Variants in RAB27A observed in about 807,000 individuals in gnomAD.
RAB27A encodes ras-related protein Rab-27A.
Under a neutral mutation model 20.8 loss-of-function variants are expected in RAB27A, and 17 were observed. That is an observed-to-expected ratio of 0.82 (90% CI 0.56 to 1.23). RAB27A has a LOEUF of 1.23. Among genes scored for constraint, RAB27A ranks in the 50% most tolerant of loss-of-function variants. RAB27A has a pLI of 0.00. For synonymous variants in RAB27A, 85 were observed against 92.8 expected, an observed-to-expected ratio of 0.92 and a Z score of 0.48; for missense variants, 277 against 266.7, an observed-to-expected ratio of 1.04 and a Z score of -0.27.
intron 2 of RAB27A, among the ~76,000 whole-genome samples, chr15:55,304,353 A>T (rs562883724): frequency 4.6e-5 from 7 of 151,588 alleles, no homozygotes; most frequent in Non-Finnish European, 8.8e-5. Context: ...TCTGCCTAGG[A>T]AAACCAGAGA....
At chr15:55,303,532 C>G (rs1595755849) in intron 2 of RAB27A, among the ~76,000 whole-genome samples, 1 of 55,756 alleles carries the variant, frequency 1.8e-5, no homozygotes, top group Admixed American at 1.5e-4. Flanking sequence ...CCCCTCTGCC[C>G]GGCCAGCCGC....
intron 2 of RAB27A, among the ~76,000 whole-genome samples, chr15:55,246,726 T>A (rs1055409961): frequency 6.6e-6 from 1 of 151,760 alleles, no homozygotes; most frequent in African/African-American, 2.4e-5. Context: ...GTGACGGCAG[T>A]CTCAGAATGG....
At chr15:55,292,742 AGT>A (rs543945130), upstream of RAB27A, among the ~76,000 whole-genome samples, 698 of 152,362 alleles carry the variant, frequency 4.6e-3, 6 homozygotes, top group Non-Finnish European at 7.4e-3. Flanking sequence ...GAAGCTGTTT[AGT>A]ATGTAGTCAA....
chr15:55,239,599 CT>C (rs1306528215), intron 2 of RAB27A, among the ~76,000 whole-genome samples: 1 of 152,076 alleles, frequency 6.6e-6, no homozygotes, highest in African/African-American at 2.4e-5. Context: ...GTGACACAGG[CT>C]TCCTGGGTTG....
At position 55,317,588 on chromosome 15, in the gene RAB27A, C is replaced by G. The variant is rs1595759771; in HGVS notation, c.-234+1343G>C. The stretch of plus-strand genomic sequence containing the variant: ...TCGGCCTCCCAAAGTGCTGGGATTA[C>G]AGGCGTGAGCCACTGCGCCAGGCCT... On this transcript the variant is annotated intron_variant, in intron 1 of 5. Transcript: ENST00000563262. 2.0e-5 allele frequency: 8 copies of G among 392,842 alleles called. No individual in the cohort carries two copies. The East Asian group carries it at 2.9e-4, about 14-fold the overall frequency. 24.3% of individuals were successfully genotyped at this position (392,842 alleles called of 1,614,324 possible).
chr15:55,282,934 A>ATAAATAAAT (rs1898055239), intron 1 of RAB27A, among the ~76,000 whole-genome samples: 1 of 151,478 alleles, frequency 6.6e-6, no homozygotes, highest in Non-Finnish European at 1.5e-5. Flanking sequence ...AAATAAACAA[A>ATAAATAAAT]CAAACAGCCT....
intron 2 of RAB27A, among the ~76,000 whole-genome samples, chr15:55,264,396 T>G (rs1008565117): frequency 9.9e-5 from 15 of 152,180 alleles, no homozygotes; most frequent in Admixed American, 7.9e-4. Context: ...TAATCACGTT[T>G]AGATTTTAAA....
Position 55,230,472 on chromosome 15 carries a change from A to G in RAB27A, c.168T>C (p.Ser56=), listed in dbSNP as rs376232909. 4.7e-5 allele frequency: 76 copies of G among 1,613,490 alleles called. No homozygotes were observed. The highest frequency in any genetic ancestry group is 5.9e-5 in the Non-Finnish European group (70 of 1,179,620). ...CTCTGCCAGTGGCTCCATCCGGCCC[A>G]CTGGCTCTGTACACCTAAAACAGCA... ...FREKRVVYRA[S]GPDGATGRGQ... is the part of the protein sequence containing the mutation. Residue 56 remains serine (S), a synonymous_variant, in exon 4 of 7, where the codon AGT becomes AGC. Transcript: ENST00000336787.
chr15:55,222,681 T>TA (rs762647012), intron 6 of RAB27A, among the ~76,000 whole-genome samples: 6 of 152,046 alleles, frequency 3.9e-5, no homozygotes, highest in Admixed American at 6.6e-5. Flanking sequence ...AAAGAAAGAA[T>TA]AAAGCAGTGA....
chr15:55,210,878 T>C (rs1332912853), intron 6 of RAB27A, among the ~76,000 whole-genome samples: 1 of 152,196 alleles, frequency 6.6e-6, no homozygotes, highest in East Asian at 1.9e-4. Flanking sequence ...TGTTTTCTTC[T>C]AGTAGTTTCA....
At chr15:55,223,738 A>G in intron 6 of RAB27A, 151 bp downstream of exon 6, 3 of 894,896 alleles carry the variant, frequency 3.4e-6, no homozygotes, top group Non-Finnish European at 5.3e-6. Context: ...TCCTACTATC[A>G]TATCATATAA....
At chr15:55,254,408 T>C (rs1032115636) in intron 2 of RAB27A, among the ~76,000 whole-genome samples, 3 of 152,118 alleles carry the variant, frequency 2.0e-5, no homozygotes, top group African/African-American at 4.8e-5. Flanking sequence ...AAACCACATA[T>C]GAATGTCTAA....
chr15:55,308,033 T>G (rs1343001696), intron 2 of RAB27A, among the ~76,000 whole-genome samples: 1 of 152,170 alleles, frequency 6.6e-6, no homozygotes, highest in Non-Finnish European at 1.5e-5. Flanking sequence ...CCTCGTGAGG[T>G]TCCCCATTCT....
At chr15:55,310,945 C>T (rs2141146310) in intron 2 of RAB27A, among the ~76,000 whole-genome samples, 1 of 152,286 alleles carries the variant, frequency 6.6e-6, no homozygotes. Context: ...GACATCATTG[C>T]CAATAATTCA....
intron 1 of RAB27A, among the ~76,000 whole-genome samples, chr15:55,271,706 C>G (rs574265908): frequency 6.6e-6 from 1 of 152,326 alleles, no homozygotes; most frequent in East Asian, 1.9e-4. Flanking sequence ...CCCACAATCA[C>G]TTATTGAGCA....
intron 2 of RAB27A, among the ~76,000 whole-genome samples, chr15:55,264,164 C>A (rs1472348751): frequency 6.6e-6 from 1 of 152,162 alleles, no homozygotes; most frequent in Non-Finnish European, 1.5e-5. Context: ...GATTCTCATG[C>A]CTCAGCCTCC....
chr15:55,282,578 G>C (rs546955128), intron 1 of RAB27A, among the ~76,000 whole-genome samples: 1 of 152,144 alleles, frequency 6.6e-6, no homozygotes, highest in Admixed American at 6.6e-5. Context: ...CCTTTCCAGG[G>C]TATGGTGGTC....
chr15:55,222,780 C>T (rs151191375), intron 6 of RAB27A, among the ~76,000 whole-genome samples: 81 of 151,688 alleles, frequency 5.3e-4, no homozygotes, highest in Non-Finnish European at 1.9e-4. Flanking sequence ...TCCCCTACAC[C>T]ATCTACACCA....
intron 2 of RAB27A, among the ~76,000 whole-genome samples, chr15:55,236,819 C>G (rs913892538): frequency 6.6e-6 from 1 of 152,062 alleles, no homozygotes; most frequent in African/African-American, 2.4e-5. Flanking sequence ...GTATTTATTT[C>G]CTCGAGTATT....
Sources: allele counts gnomAD v4.1 joint callset (sites outside exome capture counted in the v4.1 genomes callset), GRCh38; gene constraint gnomAD v4.1.1; transcripts MANE v1.5; gene names NCBI Gene and HGNC (gene_info 2026-07-23, HGNC 2026-07-21).